Variants in ANKFN1 observed in about 807,000 individuals in gnomAD.
ANKFN1 encodes the protein ankyrin repeat and fibronectin type III domain containing 1.
A neutral mutation model predicts 108.7 loss-of-function variants in ANKFN1; 74 were observed. The ratio of observed to expected loss-of-function variants is 0.68; its 90% CI spans 0.56 to 0.83. The LOEUF is 0.83. Among genes scored for constraint, ANKFN1 ranks in the 40% least tolerant of loss-of-function variants. The probability of loss-of-function intolerance (pLI) is 0.00; values close to 1 mark genes in which losing one functional copy is unlikely to be tolerated. For missense variants in ANKFN1, 1,505 were observed against 1,382.3 expected (o/e 1.09, Z -1.41); for synonymous variants, 547 against 516.2 (o/e 1.06, Z -0.81).
At chr17:56,196,541 C>G (rs1913525322) in intron 1 of ANKFN1, among the ~76,000 whole-genome samples, 2 of 151,976 alleles carry the variant, frequency 1.3e-5, no homozygotes, top group Non-Finnish European at 2.9e-5. Flanking sequence ...CTAGACCAGT[C>G]TGGGAAACAT....
chr17:56,415,923 AGCTCATTT>A (rs371017248), intron 8 of ANKFN1, among the ~76,000 whole-genome samples: 169 of 152,314 alleles, frequency 1.1e-3, no homozygotes, highest in African/African-American at 3.9e-3. Context: ...ACCTACAGTA[AGCTCATTT>A]TCAACAAAAA....
At chr17:56,076,710 A>G (rs747508939) in intron 4 of ANKFN1, among the ~76,000 whole-genome samples, 2 of 151,174 alleles carry the variant, frequency 1.3e-5, no homozygotes, top group African/African-American at 2.4e-5. Flanking sequence ...GGACTAAATG[A>G]AGTAACTTTT....
rs1567724419 is a variant in ANKFN1, at chr17:56,516,259, TG to T, written c.*4991del. On this transcript the variant is annotated 3_prime_UTR_variant, in exon 21 of 21. Coordinates refer to ENST00000682825, the MANE Select transcript of ANKFN1 (RefSeq NM_001370326.1). ...TTGATGTTTGTGATTTTTAAAAAAG[TG>T]TGTGTGTGTGTGTGTGTGTGTGCGT... 1.7e-5 allele frequency among the ~76,000 whole-genome samples: 2 copies of T among 119,718 alleles called. No individual in the cohort carries two copies. The highest frequency in any genetic ancestry group is 6.1e-5 in the African/African-American group (2 of 32,650). The allele number at this position is 119,718 out of a possible 152,430, so 78.5% of individuals were successfully genotyped here.
chr17:56,423,881 T>C (rs1039981489), intron 8 of ANKFN1, among the ~76,000 whole-genome samples: 2 of 152,198 alleles, frequency 1.3e-5, no homozygotes, highest in Non-Finnish European at 2.9e-5. Context: ...CTTATTTTTG[T>C]TTACATCCCT....
At chr17:56,460,038 T>C (rs1211870891) in intron 14 of ANKFN1, among the ~76,000 whole-genome samples, 1 of 139,504 alleles carries the variant, frequency 7.2e-6, no homozygotes, top group Non-Finnish European at 1.5e-5. Flanking sequence ...ATGTCTAAAG[T>C]AGTTACACAT....
chr17:56,283,980 C>A (rs1189143243), intron 3 of ANKFN1, among the ~76,000 whole-genome samples: 1 of 152,190 alleles, frequency 6.6e-6, no homozygotes, highest in African/African-American at 2.4e-5. Context: ...TTACCACTTT[C>A]AAAAGACTGA....
intron 1 of ANKFN1, among the ~76,000 whole-genome samples, chr17:56,198,909 T>C (rs765274595): frequency 2.6e-5 from 4 of 152,238 alleles, no homozygotes; most frequent in Non-Finnish European, 5.9e-5. Flanking sequence ...CGCTACCACC[T>C]TCTCTAATCC....
chr17:56,489,214 A>G (rs2145407422), intron 18 of ANKFN1, among the ~76,000 whole-genome samples: 1 of 152,306 alleles, frequency 6.6e-6, no homozygotes, highest in Admixed American at 6.5e-5. Context: ...GAAAAATACC[A>G]TAGAAAATTA....
At chr17:56,048,077 T>C (rs1260371524) in intron 4 of ANKFN1, among the ~76,000 whole-genome samples, 1 of 152,106 alleles carries the variant, frequency 6.6e-6, no homozygotes, top group Non-Finnish European at 1.5e-5. Flanking sequence ...GTGGTTTAGA[T>C]ATTTGTATTT....
chr17:56,288,234 G>C (rs1388635120), intron 3 of ANKFN1, among the ~76,000 whole-genome samples: 1 of 152,040 alleles, frequency 6.6e-6, no homozygotes, highest in Non-Finnish European at 1.5e-5. Context: ...CCAGAAAACT[G>C]TTATTAGTTT....
chr17:56,100,042 C>A (rs1457868818), intron 4 of ANKFN1, among the ~76,000 whole-genome samples: 3 of 152,180 alleles, frequency 2.0e-5, no homozygotes, highest in African/African-American at 7.2e-5. Flanking sequence ...GCAACAAACA[C>A]AGAAAAGATG....
At chr17:56,092,285 T>TTTTTTTC (rs60379435) in intron 4 of ANKFN1, among the ~76,000 whole-genome samples, 7 of 143,204 alleles carry the variant, frequency 4.9e-5, no homozygotes, top group African/African-American at 1.9e-4. Context: ...TTTTTTTTTT[T>TTTTTTTC]TTGAGATGGA....
chr17:56,156,342 C>T (rs1909118400), intron 1 of ANKFN1, among the ~76,000 whole-genome samples: 1 of 152,180 alleles, frequency 6.6e-6, no homozygotes, highest in African/African-American at 2.4e-5. Context: ...CCCACCTTGG[C>T]CTCCCAAAGT....
At chr17:56,206,822 C>T (rs1279429235) in intron 1 of ANKFN1, 1 of 152,208 alleles carries the variant, frequency 6.6e-6, no homozygotes, top group Non-Finnish European at 1.5e-5. Context: ...ACACTCCTCT[C>T]TACTTGCAAA....
chr17:56,119,249 A>T (rs180743833), intron 4 of ANKFN1, among the ~76,000 whole-genome samples: 5 of 152,294 alleles, frequency 3.3e-5, no homozygotes, highest in Admixed American at 3.3e-4. Context: ...AGGAACTTTG[A>T]CATTTAAAGA....
chr17:56,177,729 T>C (rs1401823838), intron 1 of ANKFN1, among the ~76,000 whole-genome samples: 1 of 152,234 alleles, frequency 6.6e-6, no homozygotes, highest in African/African-American at 2.4e-5. Context: ...GAAAATATTA[T>C]TTTCTATGAT....
In ANKFN1 at chr17:56,084,455, C is replaced by T. The variant is rs778680459; in HGVS notation, c.288+38130C>T. On this transcript the variant is annotated intron_variant, in intron 4 of 12. Coordinates refer to the ANKFN1 transcript ENST00000635860. ...TTTGGTTTTTCTCTCACACTGCTCT[C>T]CTGGCTTTGCAGCACCTTGGAGAAG... Among the ~76,000 whole-genome samples, 13 of 151,462 alleles carry T rather than the reference C, an allele frequency of 8.6e-5. 2 individuals are homozygous for T. Among genetic ancestry groups the T allele is most frequent in the Admixed American group, 5.9e-4 (9 of 15,192 alleles).
Position 56,456,920 on chromosome 17 carries a change from C to T in ANKFN1, c.1267C>T (p.Leu423=), listed in dbSNP as rs1320999139. The T allele has an allele frequency of 6.2e-7, 1 of 1,614,140 alleles. No homozygotes were observed. Residue 423 remains leucine, a synonymous_variant, in exon 12 of 21, where the codon CTG becomes TTG. Coordinates refer to ENST00000682825, the MANE Select transcript of ANKFN1 (RefSeq NM_001370326.1). ...GTCAGTCTCAAGAAGCCTGAAACAC[C>T]TGTTCCATTCCTCGAACAAGTTTGT... ...KQSVSRSLKH[L]FHSSNKFVKT...
Position 56,082,986 on chromosome 17 carries a change from T to C in ANKFN1, c.288+36661T>C, listed in dbSNP as rs192869324. Among the ~76,000 whole-genome samples, 195 of 151,452 alleles carry C rather than the reference T, an allele frequency of 1.3e-3. 5 individuals are homozygous for C. The highest frequency in any genetic ancestry group is 1.4e-3 in the Non-Finnish European group (96 of 67,760). On this transcript the variant is annotated intron_variant, in intron 4 of 12. Transcript: ENST00000635860. ...TCTTTTATACCATGTAGAACAAATA[T>C]AGGAAATTTCCTGTTAAATTTAGAT...
Sources: allele counts gnomAD v4.1 joint callset (sites outside exome capture counted in the v4.1 genomes callset), GRCh38; gene constraint gnomAD v4.1.1; transcripts MANE v1.5; gene names NCBI Gene and HGNC (gene_info 2026-07-23, HGNC 2026-07-21).